The following PPP1R14C variants were observed in gnomAD, a reference collection of about 807,000 sequenced individuals.
PPP1R14C encodes the protein protein phosphatase 1 regulatory subunit 14C.
Under a neutral mutation model 20.4 loss-of-function variants are expected in PPP1R14C, and 16 were observed. The ratio of observed to expected loss-of-function variants is 0.78; its 90% confidence interval spans 0.53 to 1.19. The LOEUF is 1.19. PPP1R14C is among the 50% of genes most tolerant of loss of function. The pLI is 0.00. For synonymous variants in PPP1R14C, 91 were observed against 91.0 expected (o/e 1.00, Z 0.00); for missense variants, 211 against 220.1 (o/e 0.96, Z 0.26).
At position 150,248,928 on chromosome 6, in the gene PPP1R14C, T is replaced by G. The variant is rs75930338; in HGVS notation, c.*108T>G. ...GGTGTCCTTATGAACAACGTTTTTG[T>G]TTTTTTTTTTTTCTTTTTTGGTGTG... On this transcript the variant is annotated 3_prime_UTR_variant, in exon 4 of 4. Transcript: ENST00000361131. 3.5e-5 allele frequency: 10 copies of G among 282,254 alleles called. No individual in the cohort carries two copies. The highest frequency in any genetic ancestry group is 3.1e-4 in the Admixed American group (5 of 16,166). The allele number at this position is 282,254 out of a possible 1,614,324, so 17.5% of individuals were successfully genotyped here. A position where few individuals can be genotyped will look rare whatever the true frequency, so the allele number is the denominator to read the frequency against.
At chr6:150,175,183 T>C (rs9479834) in intron 1 of PPP1R14C, among the ~76,000 whole-genome samples, 91,252 of 151,966 alleles carry the variant, frequency 0.6, 27,779 homozygotes, top group South Asian at 0.79. Flanking sequence ...ACTCCTTTCA[T>C]CCTCTTAATA....
intron 1 of PPP1R14C, among the ~76,000 whole-genome samples, chr6:150,158,273 C>G (rs1777326840): frequency 6.6e-6 from 1 of 152,010 alleles, no homozygotes; most frequent in South Asian, 2.1e-4. Context: ...AAAGGTTGTT[C>G]TTTGACCCAA....
chr6:150,227,559 C>A (rs1057451997), intron 3 of PPP1R14C, among the ~76,000 whole-genome samples: 7 of 152,160 alleles, frequency 4.6e-5, no homozygotes, highest in African/African-American at 1.7e-4. Context: ...GAGTGTGTGT[C>A]CATAGGCAGG....
intron 1 of PPP1R14C, among the ~76,000 whole-genome samples, chr6:150,180,168 C>T (rs1777606194): frequency 6.6e-6 from 1 of 152,180 alleles, no homozygotes; most frequent in Non-Finnish European, 1.5e-5. Flanking sequence ...TGCCACTGCA[C>T]CCCAGCCTGG....
chr6:150,169,068 G>T (rs1777469489), intron 1 of PPP1R14C, among the ~76,000 whole-genome samples: 1 of 152,158 alleles, frequency 6.6e-6, no homozygotes, highest in Admixed American at 6.5e-5. Flanking sequence ...GTAGAAATGG[G>T]GTTTCACCAT....
chr6:150,231,045 A>G (rs1301770800), intron 3 of PPP1R14C, among the ~76,000 whole-genome samples: 1 of 152,168 alleles, frequency 6.6e-6, no homozygotes, highest in Non-Finnish European at 1.5e-5. Context: ...GGAATATGAA[A>G]GTCATGGGCC....
intron 1 of PPP1R14C, among the ~76,000 whole-genome samples, chr6:150,190,385 G>C (rs1777727667): frequency 6.6e-6 from 1 of 150,606 alleles, no homozygotes; most frequent in Non-Finnish European, 1.5e-5. Flanking sequence ...TATCCTAACA[G>C]TTGTTCAAGG....
chr6:150,189,202 CTCCTTCTTGTAAGT>C (rs1406305015), intron 1 of PPP1R14C, among the ~76,000 whole-genome samples: 1 of 146,188 alleles, frequency 6.8e-6, no homozygotes, highest in Non-Finnish European at 1.5e-5. Flanking sequence ...CACTAAATTC[CTCCTTCTTGTAAGT>C]TCTTTTTTCT....
intron 1 of PPP1R14C, among the ~76,000 whole-genome samples, chr6:150,182,358 C>T (rs191338568): frequency 5.9e-5 from 9 of 152,314 alleles, no homozygotes; most frequent in African/African-American, 2.2e-4. Context: ...TCTCACAGTT[C>T]TGGAGGCTGG....
intron 3 of PPP1R14C, among the ~76,000 whole-genome samples, chr6:150,218,653 CT>C (rs1364975914): frequency 3.3e-5 from 5 of 151,680 alleles, no homozygotes; most frequent in African/African-American, 1.2e-4. Flanking sequence ...TCTTTTCTTT[CT>C]TTTTTTCTTT....
chr6:150,238,609 A>T (rs886557941), intron 3 of PPP1R14C, among the ~76,000 whole-genome samples: 1 of 152,262 alleles, frequency 6.6e-6, no homozygotes, highest in South Asian at 2.1e-4. Context: ...AGCTCATGCC[A>T]TATGTTGGCA....
chr6:150,182,952 T>C (rs901622769), intron 1 of PPP1R14C, among the ~76,000 whole-genome samples: 21 of 152,166 alleles, frequency 1.4e-4, no homozygotes, highest in African/African-American at 4.8e-4. Flanking sequence ...TGTAACACAA[T>C]AGAAGCAATT....
intron 3 of PPP1R14C, among the ~76,000 whole-genome samples, chr6:150,219,081 A>ATTTT (rs1778135290): frequency 1.3e-5 from 2 of 152,084 alleles, no homozygotes; most frequent in Admixed American, 1.3e-4. Context: ...GTTATTTAAC[A>ATTTT]GTATTTTGTT....
intron 1 of PPP1R14C, among the ~76,000 whole-genome samples, chr6:150,150,492 A>G (rs1204762891): frequency 6.6e-6 from 1 of 152,036 alleles, no homozygotes; most frequent in Non-Finnish European, 1.5e-5. Context: ...CTCTCAGCCT[A>G]AAACAACCTG....
At position 150,177,488 on chromosome 6, in the gene PPP1R14C, C is replaced by T. The variant is rs538744841; in HGVS notation, c.306+33990C>T. On this transcript the variant is annotated intron_variant, in intron 1 of 3. Coordinates refer to ENST00000361131, the MANE Select transcript of PPP1R14C (RefSeq NM_030949.3). ...GGCAAGCGAAGGGTCATGTGTAGCACGTTCTCAGGCCTGGCCTTGGGGCCT... is the reference window on the plus strand; with the variant it reads ...GGCAAGCGAAGGGTCATGTGTAGCATGTTCTCAGGCCTGGCCTTGGGGCCT... Among the ~76,000 whole-genome samples, 17 of 152,274 alleles carry T rather than the reference C, an allele frequency of 1.1e-4. No homozygotes were observed. In the East Asian group the frequency reaches 1.7e-3, roughly 16 times the overall value.
chr6:150,180,136 A>C (rs59643688), intron 1 of PPP1R14C, among the ~76,000 whole-genome samples: 4,113 of 152,270 alleles, frequency 0.027, 117 homozygotes, highest in East Asian at 0.089. Flanking sequence ...TGGGATCTGA[A>C]GGTTGCAGTG....
chr6:150,182,652 G>T (rs2114879944), intron 1 of PPP1R14C, among the ~76,000 whole-genome samples: 1 of 152,266 alleles, frequency 6.6e-6, no homozygotes, highest in South Asian at 2.1e-4. Flanking sequence ...ATAAAGACAT[G>T]GACCTACCTT....
intron 1 of PPP1R14C, among the ~76,000 whole-genome samples, chr6:150,161,656 CTCAAT>C (rs147082757): frequency 0.13 from 19,052 of 152,138 alleles, 1,530 homozygotes; most frequent in East Asian, 0.45. Flanking sequence ...GAATTGTTAA[CTCAAT>C]CCCTATGGGA....
At chr6:150,243,507 T>G (rs1240052575) in intron 3 of PPP1R14C, among the ~76,000 whole-genome samples, 1 of 152,114 alleles carries the variant, frequency 6.6e-6, no homozygotes. Context: ...TTAAAGGACC[T>G]AGAATAGCCA....
Sources: allele counts gnomAD v4.1 joint callset (sites outside exome capture counted in the v4.1 genomes callset), GRCh38; gene constraint gnomAD v4.1.1; transcripts MANE v1.5; gene names NCBI Gene and HGNC (gene_info 2026-07-23, HGNC 2026-07-21).